Variants in RARS2 observed in about 807,000 individuals in gnomAD.
RARS2 encodes the protein probable arginine--tRNA ligase, mitochondrial.
Under a neutral mutation model 88.5 loss-of-function variants are expected in RARS2, and 67 were observed. That is an observed-to-expected ratio of 0.76 (90% CI 0.62 to 0.93). The LOEUF (loss-of-function observed/expected upper bound fraction) is 0.93. RARS2 is among the 40% of genes least tolerant of loss of function. The pLI, the probability that RARS2 is intolerant of heterozygous loss-of-function variation, is 0.00. For missense variants in RARS2, 664 were observed against 684.2 expected, an observed-to-expected ratio of 0.97 and a Z score of 0.33; for synonymous variants, 239 against 230.3, an observed-to-expected ratio of 1.04 and a Z score of -0.34.
intron 4 of RARS2, among the ~76,000 whole-genome samples, chr6:87,560,378 G>A (rs1787459745): frequency 6.6e-6 from 1 of 152,048 alleles, no homozygotes; most frequent in South Asian, 2.1e-4. Context: ...TTCCTATTTG[G>A]TTGAGATCAT....
At chr6:87,518,076 C>A in intron 17 of RARS2, 93 bp downstream of exon 17, 1 of 1,610,398 alleles carries the variant, frequency 6.2e-7, no homozygotes, top group Non-Finnish European at 8.5e-7. Flanking sequence ...CAGAAGGCAG[C>A]TACTGGACTG....
intron 18 of RARS2, among the ~76,000 whole-genome samples, chr6:87,516,308 C>A (rs1771719245): frequency 6.6e-6 from 1 of 152,174 alleles, no homozygotes; most frequent in African/African-American, 2.4e-5. Flanking sequence ...ATGGACCCCA[C>A]CACCCCGAAA....
intron 8 of RARS2, among the ~76,000 whole-genome samples, chr6:87,538,954 A>C (rs1002204507): frequency 1.3e-5 from 2 of 151,984 alleles, no homozygotes; most frequent in African/African-American, 4.8e-5. Context: ...GAATCACCTG[A>C]GCCTGGGAGG....
At chr6:87,589,901 T>G (rs769957713) in intron 1 of RARS2, 21 bp downstream of exon 1, 88 of 1,613,292 alleles carry the variant, frequency 5.5e-5, no homozygotes, top group Non-Finnish European at 7.4e-5. Flanking sequence ...GGGACTCCTC[T>G]GCGCGCTCCG....
At chr6:87,522,606 A>G (rs1562072589) in intron 11 of RARS2, among the ~76,000 whole-genome samples, 1 of 152,174 alleles carries the variant, frequency 6.6e-6, no homozygotes, top group Non-Finnish European at 1.5e-5. Context: ...CTATCTCATG[A>G]TCCTGACATT....
chr6:87,514,582 C>T, intron 19 of RARS2, 83 bp from the exon 20 acceptor site: 1 of 1,220,574 alleles, frequency 8.2e-7, no homozygotes. Flanking sequence ...AAAGGTTATT[C>T]TTTCTAGTTT....
intron 1 of RARS2, among the ~76,000 whole-genome samples, chr6:87,583,589 C>CAAA (rs5878038): frequency 1.6e-5 from 2 of 125,428 alleles, no homozygotes; most frequent in Admixed American, 7.6e-5. Flanking sequence ...AACTGCGTCT[C>CAAA]AAAAAAAAAA....
intron 5 of RARS2, among the ~76,000 whole-genome samples, 198 bp from the exon 6 acceptor site, chr6:87,548,844 TTG>T (rs1783448700): frequency 6.6e-6 from 1 of 152,200 alleles, no homozygotes. Context: ...GAAATTGATC[TTG>T]TGACTCCTGA....
intron 5 of RARS2, among the ~76,000 whole-genome samples, chr6:87,551,753 A>G (rs1032251333): frequency 4.0e-5 from 6 of 151,668 alleles, no homozygotes; most frequent in African/African-American, 1.5e-4. Context: ...GACCTCCACA[A>G]TTCTCATTTT....
intron 17 of RARS2, among the ~76,000 whole-genome samples, chr6:87,517,734 C>T (rs1048367832): frequency 1.3e-5 from 2 of 152,138 alleles, no homozygotes; most frequent in African/African-American, 4.8e-5. Context: ...ATGGGAGCAT[C>T]ACATACATAT....
At chr6:87,585,678 G>A (rs569269256) in intron 1 of RARS2, among the ~76,000 whole-genome samples, 105 of 152,200 alleles carry the variant, frequency 6.9e-4, no homozygotes, top group Middle Eastern at 3.4e-3. Flanking sequence ...CTTGCAGTGA[G>A]CAGAGATCAC....
intron 1 of RARS2, among the ~76,000 whole-genome samples, chr6:87,574,384 GGGA>G (rs1250319591): frequency 1.3e-5 from 2 of 152,210 alleles, no homozygotes; most frequent in Non-Finnish European, 2.9e-5. Flanking sequence ...AATGGAAAGG[GGGA>G]GGAGTTTATA....
At chr6:87,561,648 C>T (rs1237872069) in intron 4 of RARS2, among the ~76,000 whole-genome samples, 1 of 152,174 alleles carries the variant, frequency 6.6e-6, no homozygotes, top group South Asian at 2.1e-4. Context: ...AGCAGAGGTA[C>T]ATTCAATAGT....
chr6:87,519,841 T>TG (rs1267915285), intron 13 of RARS2, 134 bp from the exon 14 acceptor site: 4 of 1,080,954 alleles, frequency 3.7e-6, no homozygotes, highest in African/African-American at 3.1e-5. Flanking sequence ...ATGAAATTGA[T>TG]GTGATTTGTA....
chr6:87,565,663 C>A (rs992104661), intron 2 of RARS2, among the ~76,000 whole-genome samples: 1 of 152,150 alleles, frequency 6.6e-6, no homozygotes, highest in Admixed American at 6.5e-5. Context: ...ATGAATTTTT[C>A]TGTAGGTTTG....
At chr6:87,579,261 C>T (rs992118117) in intron 1 of RARS2, among the ~76,000 whole-genome samples, 4 of 152,162 alleles carry the variant, frequency 2.6e-5, no homozygotes, top group Admixed American at 6.5e-5. Flanking sequence ...CAGGAAAACC[C>T]GCCTGGCTCC....
At chr6:87,587,552 A>G (rs544389130) in intron 1 of RARS2, among the ~76,000 whole-genome samples, 1 of 152,290 alleles carries the variant, frequency 6.6e-6, no homozygotes, top group Non-Finnish European at 1.5e-5. Flanking sequence ...GTATATAGGA[A>G]AGATCTAATT....
intron 17 of RARS2, among the ~76,000 whole-genome samples, chr6:87,517,345 CT>C (rs1772130358): frequency 6.6e-6 from 1 of 152,190 alleles, no homozygotes; most frequent in Non-Finnish European, 1.5e-5. Context: ...GAACATTTTT[CT>C]TTCTTCCAAA....
intron 12 of RARS2, 144 bp from the exon 13 acceptor site, chr6:87,520,400 T>A (rs1052003008): frequency 7.4e-6 from 5 of 680,098 alleles, no homozygotes; most frequent in Non-Finnish European, 1.3e-5. Context: ...ACAAAGAGGA[T>A]GCCACAAGAA....
Sources: allele counts gnomAD v4.1 joint callset (sites outside exome capture counted in the v4.1 genomes callset), GRCh38; gene constraint gnomAD v4.1.1; transcripts MANE v1.5; gene names NCBI Gene and HGNC (gene_info 2026-07-23, HGNC 2026-07-21).